CBLN2: variants seen among roughly 807,000 people sequenced by gnomAD.
CBLN2 encodes cerebellin-2.
CBLN2 carries 7 observed loss-of-function variants against 15.0 expected under a neutral mutation model. The observed-to-expected ratio is 0.47, with a 90% CI of 0.27 to 0.88. CBLN2 has a LOEUF of 0.88. Ranked by LOEUF, CBLN2 falls within the 40% of genes least tolerant of loss-of-function variation. The pLI is 0.14. For synonymous variants in CBLN2, 149 were observed against 135.2 expected (o/e 1.10, Z -0.71); for missense variants, 242 against 304.5 (o/e 0.79, Z 1.53).
intron 1 of CBLN2, among the ~76,000 whole-genome samples, chr18:72,621,436 T>C (rs541435959): frequency 6.6e-6 from 1 of 152,340 alleles, no homozygotes; most frequent in East Asian, 1.9e-4. Context: ...TTTGTAAAGA[T>C]TACATAGAAT....
At chr18:72,634,150 A>G (rs1033963543) in intron 1 of CBLN2, among the ~76,000 whole-genome samples, 2 of 152,084 alleles carry the variant, frequency 1.3e-5, no homozygotes, top group African/African-American at 4.8e-5. Flanking sequence ...TTTAGACATA[A>G]ACAAAATGTA....
At position 72,538,289 on chromosome 18, in the gene CBLN2, C is replaced by T. The variant is rs561391409; in HGVS notation, c.562G>A (p.Val188Met). 8.7e-6 allele frequency: 14 copies of T among 1,614,136 alleles called. No individual in the cohort carries two copies. Among genetic ancestry groups the T allele is most frequent in the African/African-American group, 4.0e-5 (3 of 75,026 alleles). Residue 188 changes from valine (V) to methionine (M), a missense_variant, in exon 5 of 5, where the codon GTG (valine) becomes ATG (methionine). Val to Met is a conservative substitution (Grantham distance 21). Transcript: ENST00000269503. The part of the protein sequence containing the change: ...DVTREAASNG[V>M]LLLMEREDKV... Reference sequence around the variant, plus strand: ...TCTTCCCTTTCCATGAGCAGCAGCACGCCATTGCTAGCAGCTTCTCTGGTG... The same window carrying T: ...TCTTCCCTTTCCATGAGCAGCAGCATGCCATTGCTAGCAGCTTCTCTGGTG...
intron 1 of CBLN2, among the ~76,000 whole-genome samples, chr18:72,631,433 T>TA (rs10715292): frequency 0.017 from 2,493 of 147,934 alleles, 64 homozygotes; most frequent in African/African-American, 0.053. Flanking sequence ...TAGTGTGTAT[T>TA]AAAAAAAAAA....
At chr18:72,618,983 G>A (rs2069681652) in intron 1 of CBLN2, 3 of 761,788 alleles carry the variant, frequency 3.9e-6, no homozygotes, top group African/African-American at 1.7e-5. Flanking sequence ...TATGGTGGCA[G>A]CGGGGATGGT....
chr18:72,595,585 G>C (rs1271187870), intron 1 of CBLN2, among the ~76,000 whole-genome samples: 3 of 152,050 alleles, frequency 2.0e-5, no homozygotes, highest in South Asian at 2.1e-4. Flanking sequence ...TTGATTTTCT[G>C]TCTGGATGAT....
intron 1 of CBLN2, among the ~76,000 whole-genome samples, chr18:72,622,816 G>T (rs748712207): frequency 6.6e-6 from 1 of 152,028 alleles, no homozygotes; most frequent in Non-Finnish European, 1.5e-5. Flanking sequence ...ACCCCCCTCC[G>T]TGTTATCAGA....
chr18:72,633,539 A>C (rs2069790917), intron 1 of CBLN2, among the ~76,000 whole-genome samples: 1 of 152,358 alleles, frequency 6.6e-6, no homozygotes, highest in Admixed American at 6.5e-5. Context: ...CATAGAGCAA[A>C]GAAGGGCATG....
chr18:72,626,125 G>T (rs1239663163), intron 1 of CBLN2, among the ~76,000 whole-genome samples: 2 of 151,848 alleles, frequency 1.3e-5, no homozygotes, highest in South Asian at 2.1e-4. Flanking sequence ...ATGACTGAAG[G>T]GTTATCTCCC....
intron 1 of CBLN2, among the ~76,000 whole-genome samples, chr18:72,578,592 G>T (rs998797174): frequency 6.6e-6 from 1 of 151,964 alleles, no homozygotes; most frequent in South Asian, 2.1e-4. Flanking sequence ...TTTTTAAAAG[G>T]CTTACAATGT....
intron 1 of CBLN2, among the ~76,000 whole-genome samples, chr18:72,638,006 TG>T (rs1440346549): frequency 6.6e-6 from 1 of 152,108 alleles, no homozygotes; most frequent in Non-Finnish European, 1.5e-5. Context: ...ATCCCAAGAC[TG>T]TGGTAGGAAA....
At chr18:72,613,501 G>C (rs56810880) in intron 1 of CBLN2, among the ~76,000 whole-genome samples, 80,518 of 151,870 alleles carry the variant, frequency 0.53, 25,723 homozygotes, top group Non-Finnish European at 0.72. Context: ...TTAGTTGAAA[G>C]ATTAACCTGC....
chr18:72,603,031 A>C (rs2069559396), intron 1 of CBLN2, among the ~76,000 whole-genome samples: 1 of 152,296 alleles, frequency 6.6e-6, no homozygotes, highest in East Asian at 1.9e-4. Context: ...TCTGTAAAAA[A>C]CCAGCATATG....
intron 1 of CBLN2, among the ~76,000 whole-genome samples, chr18:72,562,656 T>C (rs2069269256): frequency 6.6e-6 from 1 of 152,224 alleles, no homozygotes; most frequent in Non-Finnish European, 1.5e-5. Flanking sequence ...ATAACACAAA[T>C]GCTGAATGCA....
At chr18:72,607,023 A>T (rs747979877) in intron 1 of CBLN2, among the ~76,000 whole-genome samples, 5 of 152,208 alleles carry the variant, frequency 3.3e-5, no homozygotes, top group Admixed American at 6.5e-5. Flanking sequence ...TACAGAGGTC[A>T]TAGGTTAAAA....
At chr18:72,570,846 T>C (rs1413143726) in intron 1 of CBLN2, among the ~76,000 whole-genome samples, 4 of 152,088 alleles carry the variant, frequency 2.6e-5, no homozygotes, top group Admixed American at 1.3e-4. Context: ...TTCTTACTGC[T>C]CCAAGCACAT....
intron 1 of CBLN2, among the ~76,000 whole-genome samples, chr18:72,580,500 C>A (rs932595476): frequency 6.6e-6 from 1 of 152,072 alleles, no homozygotes; most frequent in African/African-American, 2.4e-5. Flanking sequence ...GGCATCAATT[C>A]ATTGTTTGCC....
chr18:72,615,861 G>C (rs1599024651), intron 1 of CBLN2, among the ~76,000 whole-genome samples: 1 of 152,134 alleles, frequency 6.6e-6, no homozygotes, highest in Non-Finnish European at 1.5e-5. Context: ...CTATGAAGTT[G>C]TCTTCTGAAA....
At chr18:72,603,228 T>C (rs1294651072) in intron 1 of CBLN2, among the ~76,000 whole-genome samples, 2 of 152,260 alleles carry the variant, frequency 1.3e-5, no homozygotes, top group African/African-American at 2.4e-5. Context: ...TATAAAAACC[T>C]TTCTCATTTA....
intron 1 of CBLN2, among the ~76,000 whole-genome samples, chr18:72,566,692 A>G (rs1432460765): frequency 1.3e-5 from 2 of 152,218 alleles, no homozygotes; most frequent in Admixed American, 6.5e-5. Context: ...AATGAGTACA[A>G]TGTTACAGTT....
Sources: allele counts gnomAD v4.1 joint callset (sites outside exome capture counted in the v4.1 genomes callset), GRCh38; gene constraint gnomAD v4.1.1; transcripts MANE v1.5; gene names NCBI Gene and HGNC (gene_info 2026-07-23, HGNC 2026-07-21).